The following FGF14 variants were observed in gnomAD, a reference collection of about 807,000 sequenced individuals.
The protein encoded by FGF14 is fibroblast growth factor homologous factor 4.
Under a neutral mutation model 25.5 loss-of-function variants are expected in FGF14, and 5 were observed. That is an observed-to-expected ratio of 0.20 (90% CI 0.10 to 0.41). The LOEUF is 0.41. Ranked by LOEUF, FGF14 falls within the 10% of genes least tolerant of loss-of-function variation. FGF14 has a pLI of 1.00. For synonymous variants in FGF14, 138 were observed against 118.3 expected (o/e 1.17, Z -1.08); for missense variants, 222 against 320.1 (o/e 0.69, Z 2.34).
intron 1 of FGF14, among the ~76,000 whole-genome samples, chr13:102,319,035 T>A (rs2138741415): frequency 6.6e-6 from 1 of 152,332 alleles, no homozygotes; most frequent in South Asian, 2.1e-4. Flanking sequence ...TGCTGCGAGC[T>A]TTCTGAGGCT....
intron 1 of FGF14, among the ~76,000 whole-genome samples, chr13:101,940,783 G>A (rs760597014): frequency 1.3e-5 from 2 of 152,022 alleles, no homozygotes; most frequent in Non-Finnish European, 2.9e-5. Flanking sequence ...TGAGATCAGG[G>A]GTCCCTTAGG....
chr13:102,277,327 G>T lies in FGF14; in HGVS notation c.208+124144C>A, dbSNP rs577715416. Among the ~76,000 whole-genome samples the T allele has an allele frequency of 1.6e-4, 24 of 152,290 alleles. No individual in the cohort carries two copies. The East Asian group carries it at 4.4e-3, about 28-fold the overall frequency. ...TAAGCTGAAAGTTATTCAAAACTTG[G>T]AAAACCATGACTCACTGTCCTAAAG... On this transcript the variant is annotated intron_variant, in intron 1 of 4. Transcript: ENST00000376131.
chr13:102,079,854 C>T (rs1262458643), intron 1 of FGF14, among the ~76,000 whole-genome samples: 1 of 152,072 alleles, frequency 6.6e-6, no homozygotes, highest in East Asian at 1.9e-4. Flanking sequence ...TGAAGACGAC[C>T]TTTGAGCAAA....
intron 1 of FGF14, among the ~76,000 whole-genome samples, chr13:101,970,466 C>A (rs1377959715): frequency 6.6e-6 from 1 of 152,174 alleles, no homozygotes; most frequent in African/African-American, 2.4e-5. Flanking sequence ...TCTGCTTCCG[C>A]TCAGAAAACA....
At chr13:101,809,025 G>A (rs1441721779) in intron 3 of FGF14, among the ~76,000 whole-genome samples, 1 of 152,022 alleles carries the variant, frequency 6.6e-6, no homozygotes, top group African/African-American at 2.4e-5. Flanking sequence ...TTGAATGCAT[G>A]CTTTCAAATC....
chr13:101,888,894 T>C (rs2046127698), intron 1 of FGF14, among the ~76,000 whole-genome samples: 1 of 152,192 alleles, frequency 6.6e-6, no homozygotes, highest in Non-Finnish European at 1.5e-5. Flanking sequence ...TGTTGAAGTC[T>C]TAACCAGAAT....
chr13:102,027,446 T>C (rs1191522926), intron 1 of FGF14, among the ~76,000 whole-genome samples: 1 of 151,992 alleles, frequency 6.6e-6, no homozygotes, highest in African/African-American at 2.4e-5. Context: ...TAATATATAC[T>C]CTTTCTACTA....
chr13:102,204,393 C>T (rs1433990973), intron 1 of FGF14, among the ~76,000 whole-genome samples: 3 of 152,136 alleles, frequency 2.0e-5, no homozygotes, highest in Non-Finnish European at 4.4e-5. Context: ...ATCTCCCACC[C>T]ACTGTAACCA....
intron 1 of FGF14, among the ~76,000 whole-genome samples, chr13:102,268,418 C>A (rs1271588580): frequency 6.6e-6 from 1 of 151,960 alleles, no homozygotes; most frequent in Non-Finnish European, 1.5e-5. Flanking sequence ...TAATGTTATA[C>A]TATGATATCA....
rs550336268 is a variant in FGF14, at chr13:101,877,309, G to A, written c.194-2013C>T. 2.0e-5 allele frequency among the ~76,000 whole-genome samples: 3 copies of A among 152,230 alleles called. No homozygotes were observed. In the East Asian group the frequency reaches 5.8e-4, roughly 29 times the overall value. On this transcript the variant is annotated intron_variant, in intron 1 of 4. Transcript: ENST00000376143. Reference sequence around the variant, plus strand: ...TGATTCATCTGGTTACATATTGTTTGACGTTTTTCCTTTTTAGAAATCATA... The same window carrying A: ...TGATTCATCTGGTTACATATTGTTTAACGTTTTTCCTTTTTAGAAATCATA...
chr13:102,359,524 T>A (rs984479284), intron 1 of FGF14, among the ~76,000 whole-genome samples: 2 of 152,196 alleles, frequency 1.3e-5, no homozygotes, highest in Non-Finnish European at 2.9e-5. Flanking sequence ...CATTTCTTTC[T>A]GCGTAACACC....
intron 1 of FGF14, among the ~76,000 whole-genome samples, chr13:102,044,676 C>A (rs1190509431): frequency 1.3e-5 from 2 of 152,096 alleles, no homozygotes; most frequent in Non-Finnish European, 2.9e-5. Flanking sequence ...CTCTCAAAGC[C>A]ATTTAATTGC....
At chr13:102,023,322 A>C (rs1369220745) in intron 1 of FGF14, among the ~76,000 whole-genome samples, 1 of 152,046 alleles carries the variant, frequency 6.6e-6, no homozygotes, top group African/African-American at 2.4e-5. Context: ...GCTACCAACT[A>C]AAGTGCTACA....
At chr13:102,205,984 T>C (rs1385323797) in intron 1 of FGF14, among the ~76,000 whole-genome samples, 4 of 47,438 alleles carry the variant, frequency 8.4e-5, no homozygotes, top group Non-Finnish European at 1.2e-4. Flanking sequence ...CTCCCTGTGG[T>C]AAAAAAAAAA....
chr13:101,733,417 A>C (rs1193126980), intron 3 of FGF14, among the ~76,000 whole-genome samples: 2 of 152,080 alleles, frequency 1.3e-5, no homozygotes, highest in Non-Finnish European at 2.9e-5. Flanking sequence ...CAACATGGTG[A>C]AACCCCATCT....
intron 1 of FGF14, among the ~76,000 whole-genome samples, chr13:102,348,892 G>T (rs925601690): frequency 6.6e-6 from 1 of 152,090 alleles, no homozygotes; most frequent in African/African-American, 2.4e-5. Context: ...TAGCAAAAAG[G>T]TACTTCTTAC....
intron 1 of FGF14, among the ~76,000 whole-genome samples, chr13:102,369,921 C>T (rs921058345): frequency 2.6e-5 from 4 of 152,108 alleles, no homozygotes; most frequent in Admixed American, 6.6e-5. Context: ...GCTAAAACTA[C>T]GAATTCAAAG....
At chr13:101,775,584 T>C (rs1370597377) in intron 3 of FGF14, among the ~76,000 whole-genome samples, 1 of 152,130 alleles carries the variant, frequency 6.6e-6, no homozygotes, top group Non-Finnish European at 1.5e-5. Context: ...CAACATATCT[T>C]AGGAAAGAAA....
intron 1 of FGF14, among the ~76,000 whole-genome samples, chr13:101,921,997 G>A (rs567929171): frequency 9.9e-5 from 15 of 152,174 alleles, no homozygotes; most frequent in Non-Finnish European, 1.6e-4. Flanking sequence ...TGTCTTCCCC[G>A]TTTAAAATAT....
Sources: allele counts gnomAD v4.1 joint callset (sites outside exome capture counted in the v4.1 genomes callset), GRCh38; gene constraint gnomAD v4.1.1; transcripts MANE v1.5; gene names NCBI Gene and HGNC (gene_info 2026-07-23, HGNC 2026-07-21).